MYCBPAP: variants seen among roughly 807,000 people sequenced by gnomAD.
The protein encoded by MYCBPAP is MYCBP associated protein, also known as MYCBP-associated protein.
Under a neutral mutation model 106.1 loss-of-function variants are expected in MYCBPAP, and 60 were observed. That is an observed-to-expected ratio of 0.57 (90% CI 0.46 to 0.70). The LOEUF (loss-of-function observed/expected upper bound fraction) is 0.70, where lower values mean the gene tolerates loss of function less well. Among genes scored for constraint, MYCBPAP ranks in the 30% least tolerant of loss-of-function variants. The pLI is 0.00. For missense variants in MYCBPAP, 1,064 were observed against 1,169.3 expected (o/e 0.91, Z 1.31); for synonymous variants, 407 against 440.6 (o/e 0.92, Z 0.95).
chr17:50,516,826 CAG>C (rs1266515910), intron 2 of MYCBPAP, 129 bp downstream of exon 2: 1 of 1,003,626 alleles, frequency 1.0e-6, no homozygotes, highest in Non-Finnish European at 1.5e-6. Flanking sequence ...CCACTGAACA[CAG>C]ATTCTTTTCA....
intron 1 of MYCBPAP, among the ~76,000 whole-genome samples, chr17:50,511,141 C>T (rs1354799834): frequency 1.3e-5 from 2 of 152,100 alleles, no homozygotes; most frequent in African/African-American, 2.4e-5. Flanking sequence ...GAGCAGTACT[C>T]TCCCCCAGCC....
intron 6 of MYCBPAP, 88 bp downstream of exon 6, chr17:50,519,177 C>A: frequency 1.1e-6 from 1 of 931,468 alleles, no homozygotes; most frequent in South Asian, 1.6e-5. Context: ...GGATGCTGGT[C>A]TCAGGTGGCA....
At position 50,508,449 on chromosome 17, in the gene MYCBPAP, A is replaced by G. The variant is rs1466440000; in HGVS notation, c.-226A>G. 6.7e-6 allele frequency: 8 copies of G among 1,202,432 alleles called. No individual in the cohort carries two copies. The African/African-American group carries it at 1.1e-4, about 17-fold the overall frequency. The allele number at this position is 1,202,432 out of a possible 1,614,324, so 74.5% of individuals were successfully genotyped here. A position where few individuals can be genotyped will look rare whatever the true frequency, so the allele number is the denominator to read the frequency against. On this transcript the variant is annotated 5_prime_UTR_variant, in exon 1 of 19. Coordinates refer to ENST00000323776, the MANE Select transcript of MYCBPAP (RefSeq NM_032133.6). ...ACAGGCCGGGCCCGCAGGGCTTTCT[A>G]GGGGTCCGTCGCTCTTGAAGCCGCC...
In MYCBPAP at chr17:50,527,320, G is replaced by A. The variant is rs1597847641; in HGVS notation, c.2203G>A (p.Glu735Lys). ...VMVLPDENHR[E>K]DALMRLNKAA... ...GGTGCTCCCTGATGAGAACCACAGA[G>A]AGGATGCGTTGATGAGGCTCAACAA... Residue 735 changes from glutamate (E) to lysine (K), a missense_variant, in exon 15 of 19, where the codon GAG becomes AAG. Coordinates refer to ENST00000323776, the MANE Select transcript of MYCBPAP (RefSeq NM_032133.6). 6.2e-7 allele frequency: 1 copy of A among 1,614,150 alleles called. No homozygotes were observed. Among genetic ancestry groups the A allele is most frequent in the East Asian group, 2.2e-5 (1 of 44,876 alleles).
rs761901282 is a variant in MYCBPAP, at chr17:50,528,691, TTA to T, written c.2408-3_2408-2del. On this transcript the variant is annotated splice_acceptor_variant and splice_polypyrimidine_tract_variant and intron_variant, in intron 16 of 18. Coordinates refer to ENST00000323776, the MANE Select transcript of MYCBPAP (RefSeq NM_032133.6). LOFTEE classifies it high-confidence loss of function. ...CCATATTTTCTTCCACCCACCTCCC[TTA>T]GATCAAAAATCACCTCCTATCATGG... 1 of 1,613,278 alleles carries T rather than the reference TTA, an allele frequency of 6.2e-7. No individual in the cohort carries two copies. The highest frequency in any genetic ancestry group is 1.1e-5 in the South Asian group (1 of 90,862).
intron 1 of MYCBPAP, chr17:50,510,498 T>G (rs1478591599): frequency 1.9e-4 from 16 of 86,120 alleles, no homozygotes; most frequent in African/African-American, 8.6e-4. Flanking sequence ...TGTGTGTGTG[T>G]GTATATATAT....
Position 50,523,141 on chromosome 17 carries a change from A to G in MYCBPAP, c.1447+13A>G, listed in dbSNP as rs773961449. On this transcript the variant is annotated intron_variant, in intron 11 of 18. Coordinates refer to ENST00000323776, the MANE Select transcript of MYCBPAP (RefSeq NM_032133.6). ...GACAACCGGGAAGGTACTCGGGAGA[A>G]GCCACCCTATGTGCTAGCTCCTGTC... The G allele has an allele frequency of 8.1e-6, 13 of 1,611,176 alleles. No homozygotes were observed. The highest frequency in any genetic ancestry group is 5.0e-5 in the Admixed American group (3 of 59,928).
In MYCBPAP at chr17:50,526,224, T is replaced by C; in HGVS notation, c.2126T>C (p.Leu709Pro). 1 of 1,612,530 alleles carries C rather than the reference T, an allele frequency of 6.2e-7. No homozygotes were observed. The highest frequency in any genetic ancestry group is 8.5e-7 in the Non-Finnish European group (1 of 1,179,816). ...AAGAGCCCCTGGGAGCCGGATGGCC[T>C]TCCCCTGCTGGAGTGGAACCTCTGC... Reference protein sequence around the residue: ...STKSPWEPDGLPLLEWNLCLE... With the variant: ...STKSPWEPDGPPLLEWNLCLE... Residue 709 changes from leucine to proline, a missense_variant, in exon 14 of 19, where the codon CTT becomes CCT. Leu to Pro is a moderately conservative substitution (Grantham distance 98). Coordinates refer to ENST00000323776, the MANE Select transcript of MYCBPAP (RefSeq NM_032133.6).
At chr17:50,512,602 C>T (rs570094178) in intron 1 of MYCBPAP, among the ~76,000 whole-genome samples, 3 of 152,298 alleles carry the variant, frequency 2.0e-5, no homozygotes, top group Admixed American at 6.5e-5. Flanking sequence ...TCTAACCAAA[C>T]CTATTGCCTG....
chr17:50,517,229 G>A, intron 2 of MYCBPAP, 64 bp from the exon 3 acceptor site: 30 of 1,464,744 alleles, frequency 2.0e-5, no homozygotes, highest in Non-Finnish European at 2.8e-5. Flanking sequence ...GAACAGAAGA[G>A]ATGGGTGGTG....
chr17:50,519,312 G>GAGT, intron 6 of MYCBPAP: 3 of 588,794 alleles, frequency 5.1e-6, no homozygotes, highest in Non-Finnish European at 3.0e-6. Flanking sequence ...CAAGTTATTA[G>GAGT]AGTAGTCTTA....
chr17:50,507,993 T>C (rs952631505), upstream of MYCBPAP, among the ~76,000 whole-genome samples: 1 of 152,182 alleles, frequency 6.6e-6, no homozygotes, highest in Non-Finnish European at 1.5e-5. Context: ...TTGGCTGGTT[T>C]GGGAAGTGAT....
At chr17:50,514,262 T>C (rs1293494511) in intron 1 of MYCBPAP, among the ~76,000 whole-genome samples, 2 of 152,160 alleles carry the variant, frequency 1.3e-5, no homozygotes, top group African/African-American at 4.8e-5. Context: ...CTATGGAAAT[T>C]TCCTAAAAAA....
Position 50,529,180 on chromosome 17 carries a change from C to T in MYCBPAP, c.2716C>T (p.His906Tyr). 1 of 1,611,488 alleles carries T rather than the reference C, an allele frequency of 6.2e-7. No individual in the cohort carries two copies. The highest frequency in any genetic ancestry group is 8.5e-7 in the Non-Finnish European group (1 of 1,179,662). The change falls in exon 18 of 19, where the codon CAC (histidine) becomes TAC (tyrosine). Residue 906 changes from histidine to tyrosine, a missense_variant. By Grantham distance (83) the His-to-Tyr change is moderately conservative (BLOSUM62 2). Coordinates refer to ENST00000323776, the MANE Select transcript of MYCBPAP (RefSeq NM_032133.6). Reference protein sequence around the residue: ...LVMGKYTQSLHSEVRGLLDTL... With the variant: ...LVMGKYTQSLYSEVRGLLDTL... ...CATGGGGAAATACACCCAGAGCCTGCACAGTGAGGTGAAGGGAAGCGCCCA... is the reference window on the plus strand; with the variant it reads ...CATGGGGAAATACACCCAGAGCCTGTACAGTGAGGTGAAGGGAAGCGCCCA...
upstream of MYCBPAP, chr17:50,508,377 GC>G: frequency 1.8e-6 from 1 of 559,802 alleles, no homozygotes; most frequent in South Asian, 2.9e-5. Context: ...GCCCCGCCCC[GC>G]CCGGCTGGTG....
rs779355059 is a variant in MYCBPAP at position 50,523,000 on chromosome 17, C to G, written c.1319C>G (p.Ser440Ter). 1 of 1,614,094 alleles carries G rather than the reference C, an allele frequency of 6.2e-7. No individual in the cohort carries two copies. The highest frequency in any genetic ancestry group is 8.5e-7 in the Non-Finnish European group (1 of 1,180,032). ...FETLEGEKTS[S>*]ELTVVNNGTV... Reference sequence around the variant, plus strand: ...ACCCTAGAAGGCGAGAAAACCTCCTCAGAACTGACTGTGGTCAATAATGGC... The same window carrying G: ...ACCCTAGAAGGCGAGAAAACCTCCTGAGAACTGACTGTGGTCAATAATGGC... Residue 440 changes from serine (S) to a stop codon, truncating the protein, a stop_gained, in exon 11 of 19, where the codon TCA becomes TGA. Transcript: ENST00000323776. LOFTEE classifies it high-confidence loss of function.
chr17:50,518,084 A>G (rs2034117860), intron 4 of MYCBPAP, among the ~76,000 whole-genome samples: 1 of 152,214 alleles, frequency 6.6e-6, no homozygotes, highest in Non-Finnish European at 1.5e-5. Flanking sequence ...TGGTGGAGGA[A>G]GGTGGCTTCC....
In MYCBPAP at chr17:50,523,574, C is replaced by T. The variant is rs147653149; in HGVS notation, c.1448-23C>T. On this transcript the variant is annotated intron_variant, in intron 11 of 18. Coordinates refer to ENST00000323776, the MANE Select transcript of MYCBPAP (RefSeq NM_032133.6). ...TCAGCCAGCTCCTGCATGTTGAAAA[C>T]CTCGGGTCTCTGTCCCTCTCAGGTG... is the stretch of plus-strand genomic sequence containing the variant. The T allele has an allele frequency of 2.5e-3, 3,961 of 1,613,398 alleles. 8 individuals carry two copies. Among genetic ancestry groups the T allele is most frequent in the Non-Finnish European group, 3.1e-3 (3,677 of 1,179,586 alleles).
At chr17:50,524,264 G>A (rs138841717) in intron 12 of MYCBPAP, among the ~76,000 whole-genome samples, 2 of 152,280 alleles carry the variant, frequency 1.3e-5, no homozygotes, top group Non-Finnish European at 2.9e-5. Flanking sequence ...GGAATCTGTC[G>A]TCCGCAGTCA....
Sources: gnomAD v4.1 joint callset for allele counts (sites outside exome capture counted in the v4.1 genomes callset) on GRCh38, gnomAD v4.1.1 for gene constraint, MANE v1.5 for transcripts, NCBI Gene and HGNC (gene_info 2026-07-23, HGNC 2026-07-21) for gene names.